The following KIF13A variants were observed in gnomAD, a reference collection of about 807,000 sequenced individuals.
KIF13A encodes the protein kinesin-like protein KIF13A.
A neutral mutation model predicts 212.2 loss-of-function variants in KIF13A; 79 were observed. The observed-to-expected ratio is 0.37, with a 90% CI of 0.31 to 0.45. The LOEUF is 0.45. KIF13A is among the 20% of genes least tolerant of loss of function. The probability of loss-of-function intolerance (pLI) is 1.00; values close to 1 mark genes in which losing one functional copy is unlikely to be tolerated. For missense variants in KIF13A, 1,901 were observed against 2,209.0 expected (o/e 0.86, Z 2.79); for synonymous variants, 789 against 808.6 (o/e 0.98, Z 0.41).
chr6:17,972,127 A>C (rs1779855729), intron 2 of KIF13A, among the ~76,000 whole-genome samples: 2 of 152,206 alleles, frequency 1.3e-5, no homozygotes, highest in African/African-American at 4.8e-5. Context: ...GTAAGTCTAG[A>C]TTCAAAAGGA....
intron 16 of KIF13A, among the ~76,000 whole-genome samples, chr6:17,824,612 T>A (rs1054873493): frequency 2.0e-5 from 3 of 151,608 alleles, no homozygotes; most frequent in African/African-American, 4.8e-5. Context: ...TACAAAAAAA[T>A]TAGCCAGGTG....
In KIF13A at chr6:17,773,700, TATTATG is replaced by T; in HGVS notation, c.4219-123_4219-118del. The T allele has an allele frequency of 2.0e-6, 1 of 507,298 alleles. No homozygotes were observed. The highest frequency in any genetic ancestry group is 2.9e-5 in the East Asian group (1 of 34,198). The allele number at this position is 507,298 out of a possible 1,614,324, so 31.4% of individuals were successfully genotyped here. On this transcript the variant is annotated intron_variant, in intron 35 of 38. Coordinates refer to ENST00000259711, the MANE Select transcript of KIF13A (RefSeq NM_022113.6). This position sits in a 1 kb window ranked among gnomAD's most constrained non-coding sequence, Gnocchi z 4.2. ...GGCAGCATATGCTCTTCTTTATTTT[TATTATG>T]ATTTATTTCAAATATACAGAAAGGG... is the stretch of plus-strand genomic sequence containing the variant.
rs624105 is a variant in KIF13A, at chr6:17,855,633, G to C, written c.314-16C>G. On this transcript the variant is annotated splice_polypyrimidine_tract_variant and intron_variant, in intron 5 of 38. Coordinates refer to ENST00000259711, the MANE Select transcript of KIF13A (RefSeq NM_022113.6). The surrounding 1 kb of genome is among the most constrained non-coding windows in gnomAD (Gnocchi z 4.1). ...TTTCCCGAACCTGGAGAACAGCAAG[G>C]AAAAAGAAGAACAGGTAGAGGAGGG... 0.81 allele frequency: 1,278,602 copies of C among 1,585,776 alleles called. 517,855 individuals are homozygous for C. Among genetic ancestry groups the C allele is most frequent in the African/African-American group, 0.91 (67,022 of 73,480 alleles).
At chr6:17,859,634 A>ATTTTTTTTTTTTTT (rs1187732765) in intron 4 of KIF13A, among the ~76,000 whole-genome samples, 1 of 103,688 alleles carries the variant, frequency 9.6e-6, no homozygotes, top group Non-Finnish European at 1.9e-5. Flanking sequence ...ATATATATAT[A>ATTTTTTTTTTTTTT]TATATTTTTT....
chr6:17,952,402 G>A (rs1034450547), intron 2 of KIF13A, among the ~76,000 whole-genome samples: 6 of 152,080 alleles, frequency 3.9e-5, no homozygotes, highest in Non-Finnish European at 1.5e-5. Context: ...GGTGGCTGGG[G>A]TTGGGGGATC....
chr6:17,863,103 C>A (rs1013874012), intron 4 of KIF13A, among the ~76,000 whole-genome samples: 3 of 152,152 alleles, frequency 2.0e-5, no homozygotes, highest in Non-Finnish European at 1.5e-5. Flanking sequence ...TCTCTTAAAA[C>A]AAAACATTAA....
chr6:17,865,964 C>A (rs1769324836), intron 4 of KIF13A, among the ~76,000 whole-genome samples: 1 of 152,192 alleles, frequency 6.6e-6, no homozygotes, highest in Non-Finnish European at 1.5e-5. Flanking sequence ...TTGCTGGACA[C>A]AGTGGCTGAT....
In KIF13A at chr6:17,850,862, C is replaced by G. The variant is rs1431745613; in HGVS notation, c.583-405G>C. 6.6e-6 allele frequency among the ~76,000 whole-genome samples: 1 copy of G among 152,160 alleles called. No homozygotes were observed. Among genetic ancestry groups the G allele is most frequent in the African/African-American group, 2.4e-5 (1 of 41,434 alleles). On this transcript the variant is annotated intron_variant, in intron 7 of 38. Coordinates refer to ENST00000259711, the MANE Select transcript of KIF13A (RefSeq NM_022113.6). The surrounding 1 kb of genome is among the most constrained non-coding windows in gnomAD (Gnocchi z 6.2). ...CTCCAATACTGTGGCTCCCTGATGGCAGGGTTTTTTCCTTATTCCACTTTG... is the reference window on the plus strand; with the variant it reads ...CTCCAATACTGTGGCTCCCTGATGGGAGGGTTTTTTCCTTATTCCACTTTG...
intron 9 of KIF13A, among the ~76,000 whole-genome samples, chr6:17,841,147 G>A (rs1293579996): frequency 6.8e-6 from 1 of 147,000 alleles, no homozygotes; most frequent in East Asian, 2.0e-4. Context: ...ATCATGGCTC[G>A]CTGCAGCCTC....
chr6:17,780,878 G>A lies in KIF13A; in HGVS notation c.3698C>T (p.Ser1233Leu), dbSNP rs1760502234. The A allele has an allele frequency of 2.5e-6, 4 of 1,613,592 alleles. No individual in the cohort carries two copies. The highest frequency in any genetic ancestry group is 3.3e-5 in the Admixed American group (2 of 59,982). Reference protein sequence around the residue: ...EVSATASWDSSVHDSVHLNRV... With the variant: ...EVSATASWDSLVHDSVHLNRV... ...ATTCAAGTGAACAGAATCATGCACC[G>A]AGGAATCCCAAGAGGCTGTGGCTGA... The change falls in exon 31 of 39, where the codon TCG (serine) becomes TTG (leucine). Residue 1233 changes from serine (S) to leucine (L), a missense_variant. Transcript: ENST00000259711.
At chr6:17,921,635 A>G (rs1420149095) in intron 2 of KIF13A, among the ~76,000 whole-genome samples, 1 of 152,212 alleles carries the variant, frequency 6.6e-6, no homozygotes, top group Admixed American at 6.5e-5. Flanking sequence ...TGAGGACACA[A>G]TAGAACAGAA....
intron 6 of KIF13A, among the ~76,000 whole-genome samples, chr6:17,854,816 G>A (rs566154801): frequency 2.3e-4 from 35 of 152,156 alleles, no homozygotes; most frequent in Middle Eastern, 3.4e-3. Context: ...GCCTCCCAAA[G>A]TGCTGGGATT....
intron 25 of KIF13A, among the ~76,000 whole-genome samples, chr6:17,793,068 C>G (rs1197938282): frequency 6.6e-6 from 1 of 151,926 alleles, no homozygotes; most frequent in African/African-American, 2.4e-5. Flanking sequence ...TTTTAGGCTA[C>G]TGGGGGACAA....
At position 17,970,218 on chromosome 6, in the gene KIF13A, G is replaced by T. The variant is rs897633513; in HGVS notation, c.146+16836C>A. ...ATTACAGGCGTGAGCCACCGCGCCC[G>T]GCCGTGTTTTCTTAAATAAGGGATT... On this transcript the variant is annotated intron_variant, in intron 2 of 38. Transcript: ENST00000259711. Among the ~76,000 whole-genome samples the T allele has an allele frequency of 4.0e-5, 6 of 150,670 alleles. No individual in the cohort carries two copies. The East Asian group carries it at 1.2e-3, about 31-fold the overall frequency.
chr6:17,931,312 CA>C (rs1451216248), intron 2 of KIF13A, among the ~76,000 whole-genome samples: 1 of 152,160 alleles, frequency 6.6e-6, no homozygotes, highest in Non-Finnish European at 1.5e-5. Flanking sequence ...AAATGGATAT[CA>C]AACACAATTT....
intron 16 of KIF13A, among the ~76,000 whole-genome samples, chr6:17,819,494 G>A (rs111435661): frequency 0.19 from 29,402 of 151,794 alleles, 3,004 homozygotes; most frequent in South Asian, 0.32. Context: ...ACCCAGAGGC[G>A]GAGGTTGTAG....
At chr6:17,869,010 A>C (rs1041293704) in intron 4 of KIF13A, among the ~76,000 whole-genome samples, 13 of 149,452 alleles carry the variant, frequency 8.7e-5, no homozygotes, top group Admixed American at 3.3e-4. Flanking sequence ...AAAAAAAAAA[A>C]AAAAAAAAAA....
chr6:17,781,311 T>G lies in KIF13A; in HGVS notation c.3545-10A>C. The G allele has an allele frequency of 6.4e-7, 1 of 1,560,652 alleles. No individual in the cohort carries two copies. The highest frequency in any genetic ancestry group is 8.6e-7 in the Non-Finnish European group (1 of 1,158,748). On this transcript the variant is annotated splice_polypyrimidine_tract_variant and intron_variant, in intron 29 of 38. Transcript: ENST00000259711. The stretch of plus-strand genomic sequence containing the variant: ...GCACTGAGGTCATCCGCTAACCACA[T>G]CAGGAGCACAGAAAAAACAGTAGGG...
At chr6:17,938,914 C>G (rs888176883) in intron 2 of KIF13A, among the ~76,000 whole-genome samples, 1 of 150,612 alleles carries the variant, frequency 6.6e-6, no homozygotes, top group African/African-American at 2.4e-5. Flanking sequence ...AAAACCAGTT[C>G]AATTTAGCCA....
Sources: allele counts gnomAD v4.1 joint callset (sites outside exome capture counted in the v4.1 genomes callset), GRCh38; gene constraint gnomAD v4.1.1; non-coding constraint Gnocchi (gnomAD v3.1); transcripts MANE v1.5; gene names NCBI Gene and HGNC (gene_info 2026-07-23, HGNC 2026-07-21).